The following PFDN5 variants were observed in gnomAD, a reference collection of about 807,000 sequenced individuals.
PFDN5 encodes the protein c-myc binding protein.
A neutral mutation model predicts 21.5 loss-of-function variants in PFDN5; 13 were observed. The observed-to-expected ratio is 0.60, with a 90% CI of 0.39 to 0.96. PFDN5 has a LOEUF of 0.96. PFDN5 is among the 40% of genes least tolerant of loss of function. The pLI is 0.00. For missense variants in PFDN5, 188 were observed against 186.2 expected (o/e 1.01, Z -0.06); for synonymous variants, 84 against 68.9 (o/e 1.22, Z -1.08).
At chr12:53,298,220 C>T (rs1275469773) in intron 5 of PFDN5, 70 bp downstream of exon 5, 5 of 926,388 alleles carry the variant, frequency 5.4e-6, no homozygotes, top group Admixed American at 3.4e-5. Context: ...GTGTGAACCA[C>T]GGGGGTGTCC....
chr12:53,296,932 G>A (rs1377615412), intron 3 of PFDN5: 1 of 154,156 alleles, frequency 6.5e-6, no homozygotes, highest in Non-Finnish European at 1.4e-5. Context: ...TAGAAACAGG[G>A]AGCTTGGCTC....
intron 3 of PFDN5, chr12:53,296,574 A>G: frequency 2.1e-6 from 1 of 465,996 alleles, no homozygotes; most frequent in South Asian, 2.1e-5. Flanking sequence ...ACGACCGGCT[A>G]ATTTTTGTAT....
chr12:53,297,057 G>T (rs1944160186), intron 3 of PFDN5: 1 of 152,936 alleles, frequency 6.5e-6, no homozygotes, highest in South Asian at 2.0e-4. Context: ...TGGCAGTAGG[G>T]CATCTTTAAT....
At position 53,295,914 on chromosome 12, in the gene PFDN5, C is replaced by CT. The variant is rs781659825; in HGVS notation, c.149dup (p.Asn51GlufsTer28). 1 of 1,610,250 alleles carries CT rather than the reference C, an allele frequency of 6.2e-7. No individual in the cohort carries two copies. On this transcript the variant is annotated frameshift_variant, in exon 2 of 6. Coordinates refer to ENST00000334478, the MANE Select transcript of PFDN5 (RefSeq NM_002624.4). LOFTEE classifies it high-confidence loss of function. The stretch of plus-strand genomic sequence containing the variant: ...CAAGTATGTGGAAGCCAAGGACTGT[C>CT]TGAACGTGCTGAACAAGAGCAACGA...
Position 53,295,561 on chromosome 12 carries a change from T to A in PFDN5, c.-7T>A, listed in dbSNP as rs370638140. 1 of 1,611,976 alleles carries A rather than the reference T, an allele frequency of 6.2e-7. No homozygotes were observed. Among genetic ancestry groups the A allele is most frequent in the Admixed American group, 1.7e-5 (1 of 59,906 alleles). On this transcript the variant is annotated 5_prime_UTR_variant, in exon 1 of 6. Transcript: ENST00000334478. The stretch of plus-strand genomic sequence containing the variant: ...GACTTCCTCTTCGTTAAGTCGGCCT[T>A]CCCAACATGGCGCAGTCTATTAACA...
chr12:53,296,364 C>A, intron 3 of PFDN5, 89 bp downstream of exon 3: 1 of 920,048 alleles, frequency 1.1e-6, no homozygotes, highest in Non-Finnish European at 1.8e-6. Context: ...GTTTTGATTA[C>A]TTCAGATTAC....
intron 2 of PFDN5, 91 bp downstream of exon 2, chr12:53,296,032 A>G: frequency 1.2e-6 from 1 of 845,634 alleles, no homozygotes; most frequent in Non-Finnish European, 2.0e-6. Flanking sequence ...CTGAAACGAG[A>G]AAATCCATTA....
At chr12:53,297,601 G>A in intron 3 of PFDN5, 1 of 485,636 alleles carries the variant, frequency 2.1e-6, no homozygotes, top group Non-Finnish European at 3.8e-6. Flanking sequence ...ACTGCTTAGA[G>A]AGTGAGAGAT....
chr12:53,299,447 A>C lies in PFDN5; in HGVS notation c.*102A>C. The C allele has an allele frequency of 1.3e-6, 1 of 782,506 alleles. No homozygotes were observed. The highest frequency in any genetic ancestry group is 2.5e-5 in the East Asian group (1 of 39,310). The allele number at this position is 782,506 out of a possible 1,614,324, so 48.5% of individuals were successfully genotyped here. Reference sequence around the variant, plus strand: ...ATGCCAATAAATGTGCCAGCTGGGCAGAATGTTGGTCTTTTCTTGGATTAA... The same window carrying C: ...ATGCCAATAAATGTGCCAGCTGGGCCGAATGTTGGTCTTTTCTTGGATTAA... On this transcript the variant is annotated 3_prime_UTR_variant, in exon 6 of 6. Coordinates refer to ENST00000334478, the MANE Select transcript of PFDN5 (RefSeq NM_002624.4).
chr12:53,298,965 A>G (rs533724544), intron 5 of PFDN5: 119 of 255,474 alleles, frequency 4.7e-4, no homozygotes, highest in African/African-American at 2.7e-3. Context: ...GTGAAACCCC[A>G]TCTCTACTAA....
chr12:53,298,217 C>A, intron 5 of PFDN5, 67 bp downstream of exon 5: 1 of 958,208 alleles, frequency 1.0e-6, no homozygotes, highest in Non-Finnish European at 1.7e-6. Flanking sequence ...GCAGTGTGAA[C>A]CACGGGGGTG....
rs1028632913 is a variant in PFDN5 at position 53,295,707 on chromosome 12, G to T, written c.72+68G>T. ...CCCCTTGCCCACGCGTACTTCTCGC[G>T]CCCGGTTCCAAGTTGGCAGCCTACC... On this transcript the variant is annotated intron_variant, in intron 1 of 5. Coordinates refer to ENST00000334478, the MANE Select transcript of PFDN5 (RefSeq NM_002624.4). The T allele has an allele frequency of 7.6e-6, 11 of 1,454,506 alleles. No homozygotes were observed. In the South Asian group the frequency reaches 1.1e-4, roughly 15 times the overall value. 90.1% of individuals were successfully genotyped at this position (1,454,506 alleles called of 1,614,324 possible). A position where few individuals can be genotyped will look rare whatever the true frequency, so the allele number is the denominator to read the frequency against.
intron 2 of PFDN5, 66 bp from the exon 3 acceptor site, chr12:53,296,176 ACT>A (rs1944147363): frequency 1.5e-6 from 2 of 1,379,240 alleles, no homozygotes; most frequent in East Asian, 2.3e-5. Flanking sequence ...CCCTGTTGGA[ACT>A]CTCTTTAACG....
At chr12:53,296,416 C>A in intron 3 of PFDN5, 141 bp downstream of exon 3, 2 of 681,884 alleles carry the variant, frequency 2.9e-6, no homozygotes, top group Non-Finnish European at 5.0e-6. Flanking sequence ...TTTTTTTTTT[C>A]TTTCTTTTTT....
At chr12:53,297,523 T>C (rs955751560) in intron 3 of PFDN5, 1 of 221,062 alleles carries the variant, frequency 4.5e-6, no homozygotes, top group Admixed American at 7.0e-5. Context: ...TTTTTACTTG[T>C]AGTACTCTAC....
chr12:53,298,593 CCT>C (rs34888010), intron 5 of PFDN5: 140,157 of 159,744 alleles, frequency 0.88, 61,342 homozygotes, highest in Non-Finnish European at 0.94. Flanking sequence ...AAAAAGCTCC[CCT>C]CTGTTATAAT....
At position 53,298,251 on chromosome 12, in the gene PFDN5, T is replaced by C. The variant is rs778219659; in HGVS notation, c.388+101T>C. On this transcript the variant is annotated intron_variant, in intron 5 of 5. Transcript: ENST00000334478. ...TGTCCCCTTTGCTGGAGTAAAACTA[T>C]GTCTTAGTTTCTCTTTGGCATCTTT... The C allele has an allele frequency of 6.7e-6, 5 of 749,184 alleles. No homozygotes were observed. In the Admixed American group the frequency reaches 7.8e-5, roughly 12 times the overall value. The allele number at this position is 749,184 out of a possible 1,614,324, so 46.4% of individuals were successfully genotyped here.
At chr12:53,299,234 T>C (rs754103896) in intron 5 of PFDN5, 35 bp from the exon 6 acceptor site, 7 of 1,492,380 alleles carry the variant, frequency 4.7e-6, no homozygotes, top group Non-Finnish European at 4.7e-6. Flanking sequence ...TTCTCCTTTT[T>C]GCTTCTAACC....
At chr12:53,297,999 C>G in intron 4 of PFDN5, 46 bp from the exon 5 acceptor site, 1 of 1,558,714 alleles carries the variant, frequency 6.4e-7, no homozygotes, top group Non-Finnish European at 8.9e-7. Flanking sequence ...GCAGCATGGC[C>G]AGAGGGAGTC....
Sources: allele counts gnomAD v4.1 joint callset, GRCh38; gene constraint gnomAD v4.1.1; transcripts MANE v1.5; gene names NCBI Gene and HGNC (gene_info 2026-07-23, HGNC 2026-07-21).